Variants in STS observed in about 807,000 individuals in gnomAD.
The protein encoded by STS is steryl-sulfatase.
In STS, 7 loss-of-function variants were observed where a neutral mutation model predicts 26.8. The ratio of observed to expected loss-of-function variants is 0.26; its 90% CI spans 0.15 to 0.49. STS has a LOEUF of 0.49. Ranked by LOEUF, STS falls within the 20% of genes least tolerant of loss-of-function variation. The pLI, the probability that STS is intolerant of heterozygous loss-of-function variation, is 0.98. For missense variants in STS, 434 were observed against 465.6 expected, an observed-to-expected ratio of 0.93 and a Z score of 0.63; for synonymous variants, 199 against 189.4, an observed-to-expected ratio of 1.05 and a Z score of -0.42.
intron 2 of STS, among the ~76,000 whole-genome samples, chrX:7,251,875 C>T (rs1157963993): frequency 1.8e-5 from 2 of 110,790 alleles, no homozygotes; most frequent in Non-Finnish European, 3.8e-5. Context: ...ATGGGAGAAT[C>T]GCTTGAGCCC....
intron 8 of STS, among the ~76,000 whole-genome samples, chrX:7,323,939 C>T (rs1456624737): frequency 9.0e-6 from 1 of 111,309 alleles, no homozygotes; most frequent in Non-Finnish European, 1.9e-5. Context: ...CTCTGACTCC[C>T]TCTTTCCCTT....
chrX:7,256,544 TG>T (rs1923417567), intron 3 of STS, among the ~76,000 whole-genome samples: 1 of 111,728 alleles, frequency 9.0e-6, no homozygotes, highest in Admixed American at 9.5e-5. Context: ...TCCCTTTGGC[TG>T]TGGTTGGAAA....
intron 1 of STS, among the ~76,000 whole-genome samples, chrX:7,162,768 C>T (rs886956860): frequency 5.6e-5 from 6 of 106,745 alleles, no homozygotes; most frequent in East Asian, 6.0e-4. Flanking sequence ...TAAGACTGGC[C>T]GGGCGCAGTG....
At chrX:7,190,104 C>G (rs1305788617) in intron 1 of STS, among the ~76,000 whole-genome samples, 2 of 110,731 alleles carry the variant, frequency 1.8e-5, no homozygotes, top group Non-Finnish European at 3.8e-5. Context: ...TACTTTATTT[C>G]TATTATTATT....
Position 7,350,353 on chromosome X carries a change from A to C in STS, c.*92A>C. 3.7e-6 allele frequency: 4 copies of C among 1,090,532 alleles called. No homozygotes were observed. Among genetic ancestry groups the C allele is most frequent in the Non-Finnish European group, 3.7e-6 (3 of 814,831 alleles). 89.9% of individuals were successfully genotyped at this position (1,090,532 alleles called of 1,213,427 possible). On this transcript the variant is annotated 3_prime_UTR_variant, in exon 11 of 11. Transcript: ENST00000674429. Reference sequence around the variant, plus strand: ...AGTGGCACTGGGGAAACATAACTCCATCTACACCTTGGATTTGGACTGATT... The same window carrying C: ...AGTGGCACTGGGGAAACATAACTCCCTCTACACCTTGGATTTGGACTGATT...
chrX:7,294,181 C>T (rs1190364863), intron 7 of STS, among the ~76,000 whole-genome samples: 1 of 111,283 alleles, frequency 9.0e-6, no homozygotes, highest in Non-Finnish European at 1.9e-5. Flanking sequence ...TAAACATCTG[C>T]AAACCTAATT....
At chrX:7,224,402 G>A (rs1241648253) in intron 2 of STS, among the ~76,000 whole-genome samples, 4 of 111,124 alleles carry the variant, frequency 3.6e-5, no homozygotes, top group Admixed American at 2.9e-4. Flanking sequence ...GCAATGGACT[G>A]ACTGTTTATT....
chrX:7,286,906 C>T, intron 7 of STS, among the ~76,000 whole-genome samples: 1 of 111,860 alleles, frequency 8.9e-6, no homozygotes. Context: ...TACTCCTTTT[C>T]ATTACTGCAG....
Position 7,349,918 on chromosome X carries a change from C to T in STS, c.1394C>T (p.Thr465Ile), listed in dbSNP as rs1430857448. The T allele has an allele frequency of 2.5e-6, 3 of 1,211,850 alleles. No homozygotes were observed. The highest frequency in any genetic ancestry group is 1.8e-5 in the South Asian group (1 of 56,994). Reference sequence around the variant, plus strand: ...TCCATCTGGAAGGCCTTTTTCTTCACCCCCAACTTCAACCCCGTGGGTTCC... The same window carrying T: ...TCCATCTGGAAGGCCTTTTTCTTCATCCCCAACTTCAACCCCGTGGGTTCC... ...STSIWKAFFF[T>I]PNFNPVGSNG... Residue 465 changes from threonine (T) to isoleucine (I), a missense_variant, in exon 11 of 11, where the codon ACC becomes ATC. Thr to Ile is a moderately conservative substitution (Grantham distance 89). This residue lies in a region of STS where 205 missense variants were observed against 177.3 expected (regional missense o/e 1.16). Coordinates refer to ENST00000674429, the MANE Select transcript of STS (RefSeq NM_001320752.2).
chrX:7,272,782 G>A (rs1261639894), intron 6 of STS, among the ~76,000 whole-genome samples: 2 of 111,573 alleles, frequency 1.8e-5, no homozygotes, highest in Admixed American at 9.5e-5. Flanking sequence ...TGGTGGTCTG[G>A]TGGGAGAAGA....
chrX:7,198,591 T>TA (rs1196220219), intron 2 of STS, among the ~76,000 whole-genome samples: 2 of 112,040 alleles, frequency 1.8e-5, no homozygotes, highest in African/African-American at 6.5e-5. Flanking sequence ...AAAAGGCTGT[T>TA]ACCATTTTTG....
chrX:7,305,667 T>C (rs1175770135), intron 8 of STS, among the ~76,000 whole-genome samples: 2 of 111,870 alleles, frequency 1.8e-5, no homozygotes, highest in Non-Finnish European at 3.8e-5. Flanking sequence ...TCTGGGGACT[T>C]CCCACTTTCC....
intron 1 of STS, among the ~76,000 whole-genome samples, chrX:7,179,489 T>G (rs1164087690): frequency 1.8e-5 from 2 of 112,622 alleles, no homozygotes; most frequent in African/African-American, 6.5e-5. Context: ...ACTAGCTTTC[T>G]CTAGTACTTC....
At chrX:7,184,055 G>A (rs1477455606) in intron 1 of STS, among the ~76,000 whole-genome samples, 1 of 111,569 alleles carries the variant, frequency 9.0e-6, no homozygotes, top group Admixed American at 9.5e-5. Context: ...TGGAAGACTA[G>A]CAATTCTCCC....
intron 7 of STS, among the ~76,000 whole-genome samples, chrX:7,299,075 A>T (rs1362229761): frequency 1.1e-5 from 1 of 94,494 alleles, no homozygotes; most frequent in Non-Finnish European, 2.0e-5. Flanking sequence ...TTATATATAA[A>T]TTATTTTATA....
intron 10 of STS, among the ~76,000 whole-genome samples, chrX:7,342,502 G>A (rs1455087419): frequency 8.9e-6 from 1 of 112,321 alleles, no homozygotes. Flanking sequence ...CAAATACTCA[G>A]GCATCAGTTG....
rs1381990842 is a variant in STS at position 7,351,751 on chromosome X, T to C, written c.*1490T>C. ...ACCTGTAATGTAACCCACACAGCGG[T>C]TTGCAGAGAATGTTAGCCATGACTT... On this transcript the variant is annotated 3_prime_UTR_variant, in exon 11 of 11. Coordinates refer to ENST00000674429, the MANE Select transcript of STS (RefSeq NM_001320752.2). The C allele has an allele frequency of 9.1e-6, 1 of 110,294 alleles. No homozygotes were observed. The highest frequency in any genetic ancestry group is 3.3e-5 in the African/African-American group (1 of 30,228). 9.1% of individuals were successfully genotyped at this position (110,294 alleles called of 1,213,427 possible).
intron 8 of STS, among the ~76,000 whole-genome samples, chrX:7,312,757 T>A (rs1926543213): frequency 8.9e-6 from 1 of 111,963 alleles, no homozygotes; most frequent in Non-Finnish European, 1.9e-5. Flanking sequence ...CATGTGGAAC[T>A]GTGAGTCCAT....
intron 1 of STS, among the ~76,000 whole-genome samples, chrX:7,162,219 A>G (rs1933258290): frequency 1.8e-5 from 2 of 111,729 alleles, no homozygotes; most frequent in African/African-American, 6.5e-5. Context: ...TGAGTCAACA[A>G]GCACTTCCCC....
Sources: allele counts gnomAD v4.1 joint callset (sites outside exome capture counted in the v4.1 genomes callset), GRCh38; gene constraint gnomAD v4.1.1; regional missense constraint gnomAD v4.1.1; transcripts MANE v1.5; gene names NCBI Gene and HGNC (gene_info 2026-07-23, HGNC 2026-07-21).